ZNF318: variants seen among roughly 807,000 people sequenced by gnomAD.
The protein encoded by ZNF318 is endocrine regulator.
A neutral mutation model predicts 124.2 loss-of-function variants in ZNF318; 51 were observed. That is an observed-to-expected ratio of 0.41 (90% CI 0.33 to 0.52). ZNF318 has a LOEUF of 0.52. Among genes scored for constraint, ZNF318 ranks in the 20% least tolerant of loss-of-function variants. ZNF318 has a pLI of 0.23. For synonymous variants in ZNF318, 1,090 were observed against 1,040.7 expected (o/e 1.05, Z -0.91); for missense variants, 2,815 against 2,811.2 (o/e 1.00, Z -0.03).
chr6:43,355,847 G>C lies in ZNF318; in HGVS notation c.1487C>G (p.Pro496Arg), dbSNP rs756786013. 1 of 1,614,210 alleles carries C rather than the reference G, an allele frequency of 6.2e-7. No individual in the cohort carries two copies. The highest frequency in any genetic ancestry group is 8.5e-7 in the Non-Finnish European group (1 of 1,180,038). ...GCCATCCTGGCTAGCTCTCTCATGG[G>C]GCAGCAGGAAGTCTGTGTGTCGCTC... ...GPERHTDFLL[P>R]HERASQDGSG... is the part of the protein sequence containing the mutation. Residue 496 changes from proline to arginine, a missense_variant, in exon 4 of 10, where the codon CCC (proline) becomes CGC (arginine). Physicochemically the swap from Pro to Arg is moderately radical, Grantham distance 103 (BLOSUM62 -2). Coordinates refer to ENST00000361428, the MANE Select transcript of ZNF318 (RefSeq NM_014345.3).
intron 8 of ZNF318, 53 bp downstream of exon 8, chr6:43,342,059 T>G: frequency 1.3e-6 from 2 of 1,496,682 alleles, no homozygotes; most frequent in Non-Finnish European, 1.9e-6. Flanking sequence ...CAGGGACACC[T>G]CTTCCTCAAC....
intron 1 of ZNF318, among the ~76,000 whole-genome samples, chr6:43,367,188 A>G (rs943806814): frequency 1.3e-5 from 2 of 152,194 alleles, no homozygotes; most frequent in Non-Finnish European, 2.9e-5. Context: ...GTACTTAATT[A>G]CATTTAACAT....
Position 43,356,157 on chromosome 6 carries a change from A to T in ZNF318, c.1189-12T>A, listed in dbSNP as rs1320581740. ...GAAAAACTCTCAAGCTGCAAAGACA[A>T]ACACAACTGATTTAGTCTTATGCAG... On this transcript the variant is annotated splice_polypyrimidine_tract_variant and intron_variant, in intron 3 of 9. Transcript: ENST00000361428. 1 of 1,605,136 alleles carries T rather than the reference A, an allele frequency of 6.2e-7. No individual in the cohort carries two copies. Among genetic ancestry groups the T allele is most frequent in the Admixed American group, 1.7e-5 (1 of 58,458 alleles).
rs755264149 is a variant in ZNF318 at position 43,357,677 on chromosome 6, G to C, written c.637C>G (p.Leu213Val). Residue 213 changes from leucine to valine, a missense_variant, in exon 3 of 10, where the codon CTC (leucine) becomes GTC (valine). Leu to Val is a conservative substitution (Grantham distance 32, BLOSUM62 1). Transcript: ENST00000361428. ...TCAAGTTGTCCCAAGAAGGGACTGA[G>C]AGGCCCTTCCTCCTGGGAAATATAT... ...ERYISQEEGP[L>V]SPFLGQLDED... 6.2e-7 allele frequency: 1 copy of C among 1,613,480 alleles called. No homozygotes were observed. The highest frequency in any genetic ancestry group is 8.5e-7 in the Non-Finnish European group (1 of 1,179,962).
chr6:43,365,798 C>T (rs1779753094), intron 1 of ZNF318, among the ~76,000 whole-genome samples: 2 of 152,272 alleles, frequency 1.3e-5, no homozygotes, highest in South Asian at 4.1e-4. Flanking sequence ...CAAAAGACAA[C>T]CCTGCAAAGT....
At chr6:43,342,972 G>T in intron 6 of ZNF318, 93 bp from the exon 7 acceptor site, 3 of 924,042 alleles carry the variant, frequency 3.2e-6, no homozygotes, top group Non-Finnish European at 4.9e-6. Flanking sequence ...AATAGAAATA[G>T]GGCCATATGA....
chr6:43,339,625 A>G lies in ZNF318; in HGVS notation c.4373T>C (p.Ile1458Thr). 1 of 1,491,900 alleles carries G rather than the reference A, an allele frequency of 6.7e-7. No homozygotes were observed. Among genetic ancestry groups the G allele is most frequent in the Non-Finnish European group, 9.0e-7 (1 of 1,106,528 alleles). 92.4% of individuals were successfully genotyped at this position (1,491,900 alleles called of 1,614,324 possible). A position where few individuals can be genotyped will look rare whatever the true frequency, so the allele number is the denominator to read the frequency against. Residue 1458 changes from isoleucine (I) to threonine (T), a missense_variant, in exon 10 of 10, where the codon ATA becomes ACA. Around this residue, in one of 4 missense-constraint regions of ZNF318, gnomAD observed 500 missense variants for 605.2 expected, o/e 0.83. Coordinates refer to ENST00000361428, the MANE Select transcript of ZNF318 (RefSeq NM_014345.3). This position sits in a 1 kb window ranked among gnomAD's most constrained non-coding sequence, Gnocchi z 4.2. The part of the protein sequence containing the change: ...PPPPPPPPPV[I>T]PHPAAPSAAQ... ...AGCAGACGGGGCAGCTGGATGAGGT[A>G]TAACGGGGGGTGGTGGAGGTGGTGG... is the stretch of plus-strand genomic sequence containing the variant.
At chr6:43,352,326 G>A (rs753016130) in intron 5 of ZNF318, 51 bp downstream of exon 5, 1 of 1,274,396 alleles carries the variant, frequency 7.8e-7, no homozygotes, top group South Asian at 1.5e-5. Flanking sequence ...CCAAATTTGG[G>A]TCTCCTACGC....
At chr6:43,348,075 T>C (rs189616672) in intron 6 of ZNF318, among the ~76,000 whole-genome samples, 72 of 151,166 alleles carry the variant, frequency 4.8e-4, no homozygotes, top group Admixed American at 3.2e-3. Flanking sequence ...CAGATAGGAG[T>C]GGGTTAGGGA....
rs954551270 is a variant in ZNF318 at position 43,340,630 on chromosome 6, T to C, written c.3496-128A>G. 2.1e-5 allele frequency: 32 copies of C among 1,505,112 alleles called. No homozygotes were observed. In the African/African-American group the frequency reaches 3.9e-4, roughly 19 times the overall value. 93.2% of individuals were successfully genotyped at this position (1,505,112 alleles called of 1,614,324 possible). Reference sequence around the variant, plus strand: ...TTATCTTCCTCAAGGACATACGGGATGCTATCTGCTGAGCATCTCCCACTA... The same window carrying C: ...TTATCTTCCTCAAGGACATACGGGACGCTATCTGCTGAGCATCTCCCACTA... On this transcript the variant is annotated intron_variant, in intron 9 of 9. Coordinates refer to ENST00000361428, the MANE Select transcript of ZNF318 (RefSeq NM_014345.3).
Position 43,357,390 on chromosome 6 carries a change from A to T in ZNF318, c.924T>A (p.Pro308=), listed in dbSNP as rs780834546. 3 of 1,614,146 alleles carry T rather than the reference A, an allele frequency of 1.9e-6. No homozygotes were observed. Among genetic ancestry groups the T allele is most frequent in the Non-Finnish European group, 8.5e-7 (1 of 1,180,026 alleles). ...CTCGAAACTCAGGGTCGAGAAACCTAGGACTTGGGCTTCTTCTACGCTGTC... is the reference window on the plus strand; with the variant it reads ...CTCGAAACTCAGGGTCGAGAAACCTTGGACTTGGGCTTCTTCTACGCTGTC... ...NYRQRRRSPS[P]RFLDPEFREL... is the part of the protein sequence containing the mutation. Residue 308 remains proline (P), a synonymous_variant, in exon 3 of 10, where the codon CCT becomes CCA. Transcript: ENST00000361428.
chr6:43,343,116 T>G (rs773418929), intron 6 of ZNF318, among the ~76,000 whole-genome samples: 1 of 152,224 alleles, frequency 6.6e-6, no homozygotes, highest in African/African-American at 2.4e-5. Flanking sequence ...ATATATTTAC[T>G]TACATATCCT....
rs150030449 is a variant in ZNF318, at chr6:43,350,683, C to T, written c.2770+1694G>A. Among the ~76,000 whole-genome samples the T allele has an allele frequency of 4.2e-3, 644 of 152,040 alleles. 20 individuals are homozygous for T. The highest frequency in any genetic ancestry group is 0.035 in the Admixed American group (532 of 15,268). On this transcript the variant is annotated intron_variant, in intron 5 of 9. Coordinates refer to ENST00000361428, the MANE Select transcript of ZNF318 (RefSeq NM_014345.3). ...TAGCCAAAAAAAAAAATTAGCCAGGCGTGGTGGCTCATGCCTATGGTCTCA... is the reference window on the plus strand; with the variant it reads ...TAGCCAAAAAAAAAAATTAGCCAGGTGTGGTGGCTCATGCCTATGGTCTCA...
At chr6:43,354,522 C>G in intron 4 of ZNF318, 142 bp downstream of exon 4, 1 of 723,524 alleles carries the variant, frequency 1.4e-6, no homozygotes, top group East Asian at 2.6e-5. Context: ...GAACAATATA[C>G]ACTTCTTAGG....
At chr6:43,342,961 T>G (rs1779391610) in intron 6 of ZNF318, 82 bp from the exon 7 acceptor site, 4 of 1,167,294 alleles carry the variant, frequency 3.4e-6, no homozygotes, top group Non-Finnish European at 4.8e-6. Flanking sequence ...GTGGCCATAA[T>G]AATAGAAATA....
chr6:43,368,782 A>C, intron 1 of ZNF318, 185 bp downstream of exon 1: 1 of 985,346 alleles, frequency 1.0e-6, no homozygotes, highest in Non-Finnish European at 1.2e-6. Context: ...TGCGCTCCCG[A>C]GTCCGTTATT....
Position 43,369,393 on chromosome 6 carries a change from A to G in ZNF318, c.-28T>C, listed in dbSNP as rs1302923763. 15 of 1,203,948 alleles carry G rather than the reference A, an allele frequency of 1.2e-5. No homozygotes were observed. Among genetic ancestry groups the G allele is most frequent in the Non-Finnish European group, 1.6e-5 (15 of 967,684 alleles). The allele number at this position is 1,203,948 out of a possible 1,614,324, so 74.6% of individuals were successfully genotyped here. ...TTCTTGCAGCGGCGGCCACGGCGAC[A>G]GCTCTGACCCGGGGGCGCCCTAGAC... On this transcript the variant is annotated 5_prime_UTR_variant, in exon 1 of 10. Transcript: ENST00000361428.
chr6:43,361,861 TAAAC>T (rs1581650931), intron 2 of ZNF318, among the ~76,000 whole-genome samples: 1 of 151,784 alleles, frequency 6.6e-6, no homozygotes, highest in Non-Finnish European at 1.5e-5. Context: ...AGAAAAAAAA[TAAAC>T]AAACATCTGG....
chr6:43,361,813 C>T (rs1779684748), intron 2 of ZNF318, among the ~76,000 whole-genome samples: 1 of 151,986 alleles, frequency 6.6e-6, no homozygotes, highest in South Asian at 2.1e-4. Context: ...TAAAACTTAA[C>T]AGATTCAATA....
Sources: allele counts gnomAD v4.1 joint callset (sites outside exome capture counted in the v4.1 genomes callset), GRCh38; gene constraint gnomAD v4.1.1; regional missense constraint gnomAD v4.1.1; non-coding constraint Gnocchi (gnomAD v3.1); transcripts MANE v1.5; gene names NCBI Gene and HGNC (gene_info 2026-07-23, HGNC 2026-07-21).